Variants in TYR observed in about 807,000 individuals in gnomAD.
The protein encoded by TYR is LB24-AB.
In TYR, 58 loss-of-function variants were observed where a neutral mutation model predicts 51.5. The observed-to-expected ratio is 1.13, with a 90% CI of 0.91 to 1.40. The LOEUF is 1.40. Ranked by LOEUF, TYR falls within the 40% of genes most tolerant of loss-of-function variation. The probability of loss-of-function intolerance (pLI) is 0.00; values close to 1 mark genes in which losing one functional copy is unlikely to be tolerated. For synonymous variants in TYR, 263 were observed against 235.2 expected (o/e 1.12, Z -1.08); for missense variants, 732 against 647.4 (o/e 1.13, Z -1.42).
intron 3 of TYR, among the ~76,000 whole-genome samples, chr11:89,242,138 T>G (rs1163009574): frequency 6.6e-6 from 1 of 151,962 alleles, no homozygotes; most frequent in African/African-American, 2.4e-5. Flanking sequence ...GAAAGATGAG[T>G]GTCCAGGATA....
chr11:89,203,675 G>A (rs1174855703), intron 2 of TYR, among the ~76,000 whole-genome samples: 2 of 152,000 alleles, frequency 1.3e-5, no homozygotes, highest in African/African-American at 4.8e-5. Flanking sequence ...TGAGTCCCCT[G>A]GGTTTTATTT....
chr11:89,204,284 C>T (rs913551604), intron 2 of TYR, among the ~76,000 whole-genome samples: 7 of 152,152 alleles, frequency 4.6e-5, no homozygotes, highest in African/African-American at 1.7e-4. Flanking sequence ...TCAGTAGAGG[C>T]CTAGTGGGGA....
chr11:89,230,007 A>G (rs1047641112), intron 3 of TYR, among the ~76,000 whole-genome samples: 3 of 152,092 alleles, frequency 2.0e-5, no homozygotes, highest in Non-Finnish European at 2.9e-5. Flanking sequence ...CTATCAAAAT[A>G]CCAAGACATT....
At chr11:89,254,983 G>A (rs1332492096) in intron 3 of TYR, among the ~76,000 whole-genome samples, 1 of 151,716 alleles carries the variant, frequency 6.6e-6, no homozygotes, top group African/African-American at 2.4e-5. Flanking sequence ...CACCTTTGCT[G>A]AATTCCAGAG....
intron 2 of TYR, among the ~76,000 whole-genome samples, chr11:89,207,725 T>C (rs890336017): frequency 4.6e-5 from 7 of 152,162 alleles, no homozygotes; most frequent in African/African-American, 1.4e-4. Context: ...ACGAATATAA[T>C]TCAGCTGCAT....
chr11:89,281,074 TC>T (rs2135321695), intron 3 of TYR, among the ~76,000 whole-genome samples: 1 of 151,866 alleles, frequency 6.6e-6, no homozygotes, highest in Admixed American at 6.6e-5. Flanking sequence ...TAAATCTTAG[TC>T]CTTTAGTAGG....
At chr11:89,282,029 T>A (rs561613764) in intron 3 of TYR, among the ~76,000 whole-genome samples, 1 of 151,952 alleles carries the variant, frequency 6.6e-6, no homozygotes, top group East Asian at 2.0e-4. Flanking sequence ...TTAACTGAAG[T>A]TGAGAATCAC....
intron 2 of TYR, among the ~76,000 whole-genome samples, chr11:89,222,506 G>C (rs986385731): frequency 2.0e-5 from 3 of 152,106 alleles, no homozygotes; most frequent in Non-Finnish European, 2.9e-5. Flanking sequence ...TGGGAGGCCA[G>C]GGCAGGTGGA....
intron 3 of TYR, among the ~76,000 whole-genome samples, chr11:89,242,659 G>C (rs1207167132): frequency 6.6e-6 from 1 of 152,186 alleles, no homozygotes; most frequent in African/African-American, 2.4e-5. Flanking sequence ...GTCAGGAGTG[G>C]TTAATGGCAG....
chr11:89,201,020 G>A (rs1943592446), intron 2 of TYR, among the ~76,000 whole-genome samples: 1 of 151,934 alleles, frequency 6.6e-6, no homozygotes, highest in African/African-American at 2.4e-5. Flanking sequence ...GCATGCATTG[G>A]TCATTTGTAA....
chr11:89,295,194 G>A lies in TYR; in HGVS notation c.1418G>A (p.Arg473Gln), dbSNP rs766571200. Residue 473 changes from arginine to glutamine, a missense_variant, in exon 5 of 5, where the codon CGG (arginine) becomes CAG (glutamine). Coordinates refer to ENST00000263321, the MANE Select transcript of TYR (RefSeq NM_000372.5). ...AAGTCCTATTTGGAACAAGCGAGTC[G>A]GATCTGGTCATGGCTCCTTGGGGCG... ...YIKSYLEQAS[R>Q]IWSWLLGAAM... 7.4e-6 allele frequency: 12 copies of A among 1,613,872 alleles called. No homozygotes were observed. Among genetic ancestry groups the A allele is most frequent in the African/African-American group, 4.0e-5 (3 of 74,932 alleles).
Position 89,284,792 on chromosome 11 carries a change from C to T in TYR, c.1204C>T (p.Arg402Ter), listed in dbSNP as rs62645917. ...FVDSIFEQWL[R>*]RHRPLQEVYP... ...CTGCAGTATTTTTGAGCAGTGGCTC[C>T]GAAGGCACCGTCCTCTTCAAGAAGT... The change falls in exon 4 of 5, where the codon CGA (arginine) becomes TGA (stop). Residue 402 changes from arginine to a stop codon, truncating the protein, a stop_gained. Coordinates refer to ENST00000263321, the MANE Select transcript of TYR (RefSeq NM_000372.5). LOFTEE classifies it high-confidence loss of function. The T allele has an allele frequency of 5.6e-5, 90 of 1,611,522 alleles. No individual in the cohort carries two copies. The highest frequency in any genetic ancestry group is 6.5e-5 in the Non-Finnish European group (77 of 1,178,404).
intron 2 of TYR, among the ~76,000 whole-genome samples, chr11:89,215,412 C>G (rs1490224968): frequency 6.6e-6 from 1 of 152,038 alleles, no homozygotes; most frequent in South Asian, 2.1e-4. Flanking sequence ...GGAGAAATAT[C>G]TAATTTAAAT....
chr11:89,268,932 T>C (rs1944557460), intron 3 of TYR, among the ~76,000 whole-genome samples: 1 of 152,002 alleles, frequency 6.6e-6, no homozygotes, highest in Non-Finnish European at 1.5e-5. Flanking sequence ...TCATCCAATT[T>C]AAATACCACT....
chr11:89,284,370 A>G (rs768880078), intron 3 of TYR, among the ~76,000 whole-genome samples: 4 of 151,778 alleles, frequency 2.6e-5, no homozygotes, highest in Non-Finnish European at 5.9e-5. Flanking sequence ...CAAAAAAATG[A>G]CCAAATTCTA....
intron 1 of TYR, among the ~76,000 whole-genome samples, chr11:89,186,212 T>G (rs1943370198): frequency 6.6e-6 from 1 of 152,110 alleles, no homozygotes; most frequent in Non-Finnish European, 1.5e-5. Flanking sequence ...CTCGAGATAT[T>G]TTTTGGAGGT....
chr11:89,197,071 T>C (rs1357481504), intron 2 of TYR, among the ~76,000 whole-genome samples: 2 of 152,150 alleles, frequency 1.3e-5, no homozygotes, highest in South Asian at 2.1e-4. Flanking sequence ...TAGAATTGGA[T>C]CTTGAAATAT....
Position 89,295,184 on chromosome 11 carries a change from C to G in TYR, c.1408C>G (p.Gln470Glu), listed in dbSNP as rs1279691312. ...FQDYIKSYLE[Q>E]ASRIWSWLLG... is the part of the protein sequence containing the mutation. ...AGACTACATTAAGTCCTATTTGGAA[C>G]AAGCGAGTCGGATCTGGTCATGGCT... is the stretch of plus-strand genomic sequence containing the variant. Residue 470 changes from glutamine (Q) to glutamate (E), a missense_variant, in exon 5 of 5, where the codon CAA becomes GAA. Physicochemically the swap from Gln to Glu is conservative, Grantham distance 29 (BLOSUM62 2). Transcript: ENST00000263321. 6.2e-7 allele frequency: 1 copy of G among 1,613,874 alleles called. No homozygotes were observed. Among genetic ancestry groups the G allele is most frequent in the Non-Finnish European group, 8.5e-7 (1 of 1,179,890 alleles).
chr11:89,246,547 T>C (rs1276528174), intron 3 of TYR, among the ~76,000 whole-genome samples: 1 of 152,188 alleles, frequency 6.6e-6, no homozygotes, highest in African/African-American at 2.4e-5. Context: ...CTCTTAAATG[T>C]GTAGGAATCT....
Sources: allele counts gnomAD v4.1 joint callset (sites outside exome capture counted in the v4.1 genomes callset), GRCh38; gene constraint gnomAD v4.1.1; transcripts MANE v1.5; gene names NCBI Gene and HGNC (gene_info 2026-07-23, HGNC 2026-07-21).